The following RBMS3 variants were observed in gnomAD, a reference collection of about 807,000 sequenced individuals.
The protein encoded by RBMS3 is RNA binding motif single stranded interacting protein 3.
Under a neutral mutation model 66.8 loss-of-function variants are expected in RBMS3, and 27 were observed. That is an observed-to-expected ratio of 0.40 (90% CI 0.30 to 0.56). RBMS3 has a LOEUF of 0.56. Among genes scored for constraint, RBMS3 ranks in the 20% least tolerant of loss-of-function variants. RBMS3 has a pLI of 0.40. For missense variants in RBMS3, 513 were observed against 549.5 expected (o/e 0.93, Z 0.66); for synonymous variants, 188 against 183.0 (o/e 1.03, Z -0.22).
rs181348534 is a variant in RBMS3, at chr3:29,947,970, T to A, written c.1098+3716T>A. 7.1e-4 allele frequency among the ~76,000 whole-genome samples: 107 copies of A among 150,868 alleles called. 1 individual carries two copies. The highest frequency in any genetic ancestry group is 2.3e-3 in the African/African-American group (94 of 41,240). On this transcript the variant is annotated intron_variant, in intron 12 of 14. Transcript: ENST00000383767. The stretch of plus-strand genomic sequence containing the variant: ...AATTTGAACCTAGGTTTGAAAAAAA[T>A]TTTTTTTTAAAAAAGAAAAGAAAAA...
chr3:29,547,807 A>ATTTTTTTTTTTTTTTTTTTTTTTTTTT (rs3043400), intron 3 of RBMS3, among the ~76,000 whole-genome samples: 1 of 93,298 alleles, frequency 1.1e-5, no homozygotes, highest in Non-Finnish European at 2.1e-5. Context: ...TTGTGGATTG[A>ATTTTTTTTTTTTTTTTTTTTTTTTTTT]TTTTTTTTTT....
At chr3:29,638,252 G>A (rs1327589097) in intron 4 of RBMS3, among the ~76,000 whole-genome samples, 1 of 150,256 alleles carries the variant, frequency 6.7e-6, no homozygotes, top group Non-Finnish European at 1.5e-5. Flanking sequence ...TTTACATATT[G>A]TATCTATCTT....
chr3:29,584,702 G>A (rs928910878), intron 3 of RBMS3, among the ~76,000 whole-genome samples: 2 of 152,012 alleles, frequency 1.3e-5, no homozygotes, highest in African/African-American at 4.8e-5. Context: ...ATGTCTTTAT[G>A]TCTTCCTTCT....
At chr3:29,873,988 A>C (rs1249051192) in intron 7 of RBMS3, among the ~76,000 whole-genome samples, 1 of 152,130 alleles carries the variant, frequency 6.6e-6, no homozygotes, top group Non-Finnish European at 1.5e-5. Flanking sequence ...AGCTGTTATT[A>C]ATGCTAATGT....
At chr3:29,922,237 C>T (rs868546699) in intron 10 of RBMS3, among the ~76,000 whole-genome samples, 2 of 152,182 alleles carry the variant, frequency 1.3e-5, no homozygotes, top group African/African-American at 4.8e-5. Context: ...CCTGTAATCC[C>T]AGCACTTTGG....
At chr3:29,486,790 G>A (rs1417384111) in intron 2 of RBMS3, among the ~76,000 whole-genome samples, 1 of 152,102 alleles carries the variant, frequency 6.6e-6, no homozygotes, top group Admixed American at 6.6e-5. Flanking sequence ...TCATATTTAA[G>A]ACAGAGCTAA....
At chr3:29,490,996 T>A (rs993476852) in intron 3 of RBMS3, among the ~76,000 whole-genome samples, 1 of 152,160 alleles carries the variant, frequency 6.6e-6, no homozygotes, top group Non-Finnish European at 1.5e-5. Context: ...GAAGGGATAC[T>A]TCCTTATGCA....
intron 1 of RBMS3, among the ~76,000 whole-genome samples, chr3:29,320,557 G>A (rs547959912): frequency 3.9e-5 from 6 of 151,962 alleles, no homozygotes; most frequent in South Asian, 2.1e-4. Flanking sequence ...GTTTAATCCC[G>A]AGAAAAACAG....
intron 1 of RBMS3, among the ~76,000 whole-genome samples, chr3:29,434,091 G>GA (rs1177989625): frequency 6.6e-6 from 1 of 152,182 alleles, no homozygotes; most frequent in Non-Finnish European, 1.5e-5. Flanking sequence ...TCCTGGATTA[G>GA]AGTAATTTAA....
intron 10 of RBMS3, among the ~76,000 whole-genome samples, chr3:29,923,775 G>C (rs571158936): frequency 6.6e-6 from 1 of 151,530 alleles, no homozygotes; most frequent in South Asian, 2.1e-4. Flanking sequence ...TAGAAGTTTT[G>C]TAAGGTAATA....
chr3:29,732,198 A>C (rs1336749722), intron 4 of RBMS3, among the ~76,000 whole-genome samples: 1 of 152,144 alleles, frequency 6.6e-6, no homozygotes, highest in Non-Finnish European at 1.5e-5. Context: ...GTTCCAGTCT[A>C]CAGGCTGTCA....
At chr3:29,674,261 A>T (rs1369873264) in intron 4 of RBMS3, among the ~76,000 whole-genome samples, 4 of 152,190 alleles carry the variant, frequency 2.6e-5, no homozygotes, top group Non-Finnish European at 5.9e-5. Context: ...TCTCAAAATG[A>T]TAAGAGCTAT....
chr3:29,398,975 C>A (rs1559548655), intron 1 of RBMS3, among the ~76,000 whole-genome samples: 1 of 152,142 alleles, frequency 6.6e-6, no homozygotes, highest in East Asian at 1.9e-4. Flanking sequence ...GTGTGAATCA[C>A]TTAGTAGCTC....
chr3:29,952,551 C>T (rs1037230538), intron 12 of RBMS3, among the ~76,000 whole-genome samples: 5 of 151,924 alleles, frequency 3.3e-5, no homozygotes, highest in South Asian at 2.1e-4. Context: ...TGTCTAACTT[C>T]TGCAACTTAG....
chr3:29,596,434 G>T (rs1322587671), intron 4 of RBMS3, among the ~76,000 whole-genome samples: 2 of 152,200 alleles, frequency 1.3e-5, no homozygotes, highest in Admixed American at 6.5e-5. Flanking sequence ...ACAAACGGAT[G>T]CAGGGAATAA....
At chr3:29,691,647 A>C (rs2052013211) in intron 4 of RBMS3, among the ~76,000 whole-genome samples, 1 of 152,204 alleles carries the variant, frequency 6.6e-6, no homozygotes, top group Non-Finnish European at 1.5e-5. Context: ...GACACTTGTG[A>C]TTTATTGAGT....
At chr3:29,862,145 C>A (rs955569583) in intron 6 of RBMS3, among the ~76,000 whole-genome samples, 4 of 152,138 alleles carry the variant, frequency 2.6e-5, no homozygotes, top group African/African-American at 4.8e-5. Flanking sequence ...AGTTATGGAG[C>A]CAGTCATAAC....
chr3:29,694,570 A>G (rs571396384), intron 4 of RBMS3, among the ~76,000 whole-genome samples: 31 of 152,306 alleles, frequency 2.0e-4, no homozygotes, highest in African/African-American at 7.2e-4. Flanking sequence ...ATTAGTTTGT[A>G]TATCCGTATA....
At chr3:29,307,760 T>G (rs573313787) in intron 1 of RBMS3, among the ~76,000 whole-genome samples, 3 of 151,894 alleles carry the variant, frequency 2.0e-5, no homozygotes, top group Non-Finnish European at 4.4e-5. Flanking sequence ...ATTCTAGCAG[T>G]GTGGAAAATA....
Sources: gnomAD v4.1 joint callset for allele counts (sites outside exome capture counted in the v4.1 genomes callset) on GRCh38, gnomAD v4.1.1 for gene constraint, MANE v1.5 for transcripts, NCBI Gene and HGNC (gene_info 2026-07-23, HGNC 2026-07-21) for gene names.